The following EIF5B variants were observed in gnomAD, a reference collection of about 807,000 sequenced individuals.
EIF5B encodes the protein eIF-5B.
A neutral mutation model predicts 147.5 loss-of-function variants in EIF5B; 47 were observed. The observed-to-expected ratio is 0.32, with a 90% confidence interval of 0.25 to 0.41. EIF5B has a LOEUF of 0.41. Among genes scored for constraint, EIF5B ranks in the 10% least tolerant of loss-of-function variants. The pLI, the probability that EIF5B is intolerant of heterozygous loss-of-function variation, is 1.00. For synonymous variants in EIF5B, 455 were observed against 456.2 expected (o/e 1.00, Z 0.03); for missense variants, 1,064 against 1,413.2 (o/e 0.75, Z 3.96).
chr2:99,361,171 A>T lies in EIF5B; in HGVS notation c.270A>T (p.Glu90Asp). ...AVKPTENNEEEFTSKDKKKKG... is the reference protein window; with the variant it reads ...AVKPTENNEEDFTSKDKKKKG... ...AGCCAACAGAAAACAATGAAGAGGA[A>T]TTCACCTCAAAAGATAAAAAAAAGA... The change falls in exon 4 of 24, where the codon GAA (glutamate) becomes GAT (aspartate). Residue 90 changes from glutamate (E) to aspartate (D), a missense_variant. By Grantham distance (45) the Glu-to-Asp change is conservative. Coordinates refer to ENST00000289371, the MANE Select transcript of EIF5B (RefSeq NM_015904.4). The T allele has an allele frequency of 6.5e-7, 1 of 1,543,476 alleles. No individual in the cohort carries two copies. The highest frequency in any genetic ancestry group is 8.7e-7 in the Non-Finnish European group (1 of 1,152,664).
In EIF5B at chr2:99,380,313, A is replaced by G. The variant is rs1192307296; in HGVS notation, c.2061+885A>G. Among the ~76,000 whole-genome samples, 6 of 152,170 alleles carry G rather than the reference A, an allele frequency of 3.9e-5. No individual in the cohort carries two copies. In the East Asian group the frequency reaches 1.2e-3, roughly 29 times the overall value. On this transcript the variant is annotated intron_variant, in intron 12 of 23. Coordinates refer to ENST00000289371, the MANE Select transcript of EIF5B (RefSeq NM_015904.4). The stretch of plus-strand genomic sequence containing the variant: ...GTGATCCTCCCACCTCAGCCTCCCA[A>G]AGTGCTGGGATTACAGATGTGAGCC...
intron 1 of EIF5B, 117 bp downstream of exon 1, chr2:99,337,706 C>T (rs2094246359): frequency 4.6e-6 from 6 of 1,311,326 alleles, no homozygotes; most frequent in African/African-American, 3.0e-5. Flanking sequence ...CGCGGGGTAC[C>T]AGGCCTGGGC....
At chr2:99,369,850 C>A (rs1274788169) in intron 8 of EIF5B, among the ~76,000 whole-genome samples, 2 of 151,472 alleles carry the variant, frequency 1.3e-5, no homozygotes, top group African/African-American at 4.8e-5. Flanking sequence ...GTGGCGGGTG[C>A]CTGTAATCCC....
At chr2:99,346,621 A>C (rs2094273992) in intron 1 of EIF5B, among the ~76,000 whole-genome samples, 1 of 110,914 alleles carries the variant, frequency 9.0e-6, no homozygotes, top group African/African-American at 3.6e-5. Flanking sequence ...TTTTTTGAGA[A>C]GGTGTCTCAA....
intron 9 of EIF5B, among the ~76,000 whole-genome samples, chr2:99,373,345 G>T (rs1456873480): frequency 1.3e-5 from 2 of 152,198 alleles, no homozygotes; most frequent in Admixed American, 1.3e-4. Flanking sequence ...TTGGTGCCTG[G>T]TAAAGGCTGC....
intron 18 of EIF5B, among the ~76,000 whole-genome samples, chr2:99,393,994 C>T (rs1389101917): frequency 1.3e-5 from 2 of 152,150 alleles, no homozygotes; most frequent in East Asian, 3.8e-4. Context: ...TAATTCTGCC[C>T]ACCCATCTAC....
chr2:99,379,527 C>A, intron 12 of EIF5B, 99 bp downstream of exon 12: 1 of 817,836 alleles, frequency 1.2e-6, no homozygotes, highest in Non-Finnish European at 1.9e-6. Flanking sequence ...ATAACAGCTC[C>A]ATATACTCAC....
At chr2:99,359,683 A>G (rs919347868) in intron 1 of EIF5B, among the ~76,000 whole-genome samples, 1 of 152,212 alleles carries the variant, frequency 6.6e-6, no homozygotes, top group Non-Finnish European at 1.5e-5. Flanking sequence ...AATCATTCCT[A>G]ATTCATTTAG....
Position 99,401,322 on chromosome 2 carries a change from C to G in EIF5B, c.*1908C>G. The G allele has an allele frequency of 6.2e-7, 1 of 1,613,530 alleles. No individual in the cohort carries two copies. The highest frequency in any genetic ancestry group is 1.3e-5 in the African/African-American group (1 of 74,944). On this transcript the variant is annotated 3_prime_UTR_variant, in exon 24 of 24. Coordinates refer to ENST00000289371, the MANE Select transcript of EIF5B (RefSeq NM_015904.4). The stretch of plus-strand genomic sequence containing the variant: ...CAAGAATAAAGTCAAATGCCATATT[C>G]CAAACCGATTCCACCGATTGCTGCA...
intron 9 of EIF5B, among the ~76,000 whole-genome samples, chr2:99,373,245 C>T (rs1166292894): frequency 2.6e-5 from 4 of 152,128 alleles, no homozygotes; most frequent in Admixed American, 2.6e-4. Flanking sequence ...TCTGCTGTAA[C>T]AAAATACCAC....
Position 99,394,255 on chromosome 2 carries a change from TTTC to T in EIF5B, c.2881-9_2881-7del, listed in dbSNP as rs766621766. On this transcript the variant is annotated splice_polypyrimidine_tract_variant and intron_variant, in intron 18 of 23. Coordinates refer to ENST00000289371, the MANE Select transcript of EIF5B (RefSeq NM_015904.4). ...GTGTTGACAACCTTATCAAATCTGA[TTTC>T]TTTTCAAGGATGAATTGATCCATGA... is the stretch of plus-strand genomic sequence containing the variant. The T allele has an allele frequency of 1.6e-5, 25 of 1,599,318 alleles. No individual in the cohort carries two copies. Among genetic ancestry groups the T allele is most frequent in the Non-Finnish European group, 2.1e-5 (25 of 1,175,870 alleles).
chr2:99,393,018 C>A lies in EIF5B; in HGVS notation c.2800C>A (p.Leu934Ile). The change falls in exon 18 of 24, where the codon CTT (leucine) becomes ATT (isoleucine). Residue 934 changes from leucine (L) to isoleucine (I), a missense_variant. Coordinates refer to ENST00000289371, the MANE Select transcript of EIF5B (RefSeq NM_015904.4). ...AGAAGCAGCTCAGGGGGTAAAGATT[C>A]TTGGAAAAGACCTGGAGAAAACATT... ...EVEAAQGVKI[L>I]GKDLEKTLAG... The A allele has an allele frequency of 6.3e-7, 1 of 1,589,600 alleles. No individual in the cohort carries two copies. The highest frequency in any genetic ancestry group is 1.1e-5 in the South Asian group (1 of 87,094).
chr2:99,390,354 A>G lies in EIF5B; in HGVS notation c.2539A>G (p.Ser847Gly). 1 of 1,613,700 alleles carries G rather than the reference A, an allele frequency of 6.2e-7. No individual in the cohort carries two copies. The highest frequency in any genetic ancestry group is 8.5e-7 in the Non-Finnish European group (1 of 1,180,002). Reference protein sequence around the residue: ...LLVELTQTMLSKRLAHCEELR... With the variant: ...LLVELTQTMLGKRLAHCEELR... ...TGTAGAGTTAACTCAGACCATGTTG[A>G]GCAAGAGACTTGCACACTGTGAAGA... The change falls in exon 16 of 24, where the codon AGC becomes GGC. Residue 847 changes from serine (S) to glycine (G), a missense_variant. Physicochemically the swap from Ser to Gly is moderately conservative, Grantham distance 56. Around this residue, in one of 4 missense-constraint regions of EIF5B, gnomAD observed 380 missense variants for 715.6 expected, o/e 0.53. Coordinates refer to ENST00000289371, the MANE Select transcript of EIF5B (RefSeq NM_015904.4).
intron 22 of EIF5B, chr2:99,397,935 T>G (rs1007612377): frequency 1.3e-5 from 2 of 152,108 alleles, no homozygotes; most frequent in Admixed American, 6.5e-5. Context: ...CAGTGGGTTT[T>G]TTTTTTTTTA....
chr2:99,373,029 T>C (rs1674485720), intron 9 of EIF5B, among the ~76,000 whole-genome samples: 1 of 152,224 alleles, frequency 6.6e-6, no homozygotes, highest in South Asian at 2.1e-4. Context: ...TATGTATTTT[T>C]ATGCTGTGTC....
intron 1 of EIF5B, among the ~76,000 whole-genome samples, chr2:99,343,240 G>A (rs2094264562): frequency 6.6e-6 from 1 of 151,532 alleles, no homozygotes; most frequent in South Asian, 2.1e-4. Context: ...ATAGGTGTGA[G>A]CCACCGCACC....
intron 1 of EIF5B, among the ~76,000 whole-genome samples, chr2:99,348,372 G>A: frequency 6.6e-6 from 1 of 152,212 alleles, no homozygotes; most frequent in Admixed American, 6.5e-5. Context: ...AGTGAAAACT[G>A]TTAAGATTTG....
chr2:99,350,518 TG>T (rs1293545845), intron 1 of EIF5B, among the ~76,000 whole-genome samples: 1 of 152,232 alleles, frequency 6.6e-6, no homozygotes, highest in Non-Finnish European at 1.5e-5. Flanking sequence ...ATTTCCCTGA[TG>T]TTTTTTTCAT....
intron 1 of EIF5B, among the ~76,000 whole-genome samples, chr2:99,358,624 G>T (rs1371936048): frequency 3.3e-5 from 5 of 152,170 alleles, no homozygotes; most frequent in Non-Finnish European, 7.3e-5. Flanking sequence ...CTTGGGTGGG[G>T]TCAATAAATA....
Sources: gnomAD v4.1 joint callset for allele counts (sites outside exome capture counted in the v4.1 genomes callset) on GRCh38, gnomAD v4.1.1 for gene constraint, gnomAD v4.1.1 regional missense constraint, MANE v1.5 for transcripts, NCBI Gene and HGNC (gene_info 2026-07-23, HGNC 2026-07-21) for gene names.